The following PDE4B variants were observed in gnomAD, a reference collection of about 807,000 sequenced individuals.
PDE4B encodes the protein 3',5'-cyclic-AMP phosphodiesterase 4B.
Under a neutral mutation model 82.2 loss-of-function variants are expected in PDE4B, and 20 were observed. The ratio of observed to expected loss-of-function variants is 0.24; its 90% confidence interval spans 0.17 to 0.35. The LOEUF is 0.35. Ranked by LOEUF, PDE4B falls within the 10% of genes least tolerant of loss-of-function variation. The pLI is 1.00. For synonymous variants in PDE4B, 320 were observed against 318.9 expected (o/e 1.00, Z -0.04); for missense variants, 655 against 907.2 (o/e 0.72, Z 3.57).
intron 3 of PDE4B, among the ~76,000 whole-genome samples, chr1:66,214,181 C>T (rs896448305): frequency 1.3e-5 from 2 of 152,156 alleles, no homozygotes; most frequent in Non-Finnish European, 2.9e-5. Context: ...GAAATGTCTA[C>T]TAGCTCCAAA....
At chr1:66,126,912 T>C (rs1645835386) in intron 3 of PDE4B, among the ~76,000 whole-genome samples, 1 of 152,210 alleles carries the variant, frequency 6.6e-6, no homozygotes, top group African/African-American at 2.4e-5. Context: ...CAGGATATAC[T>C]TCAAGCGTGC....
intron 3 of PDE4B, among the ~76,000 whole-genome samples, chr1:65,951,221 G>C (rs924464279): frequency 2.6e-5 from 4 of 152,092 alleles, no homozygotes; most frequent in African/African-American, 9.7e-5. Flanking sequence ...TCTCCTTTCA[G>C]ATACGTTGTC....
intron 3 of PDE4B, among the ~76,000 whole-genome samples, chr1:66,205,848 G>A (rs77041411): frequency 0.025 from 3,857 of 152,286 alleles, 67 homozygotes; most frequent in Middle Eastern, 0.095. Flanking sequence ...TTGAGCTCAT[G>A]CCCTGTTGCC....
At chr1:66,156,602 A>G (rs1365764538) in intron 3 of PDE4B, among the ~76,000 whole-genome samples, 1 of 152,030 alleles carries the variant, frequency 6.6e-6, no homozygotes, top group South Asian at 2.1e-4. Context: ...GAAAAAAAAA[A>G]CAAACAAACC....
intron 3 of PDE4B, 75 bp downstream of exon 3, chr1:65,918,910 TAAAA>T: frequency 2.2e-6 from 2 of 921,604 alleles, no homozygotes; most frequent in Non-Finnish European, 3.5e-6. Flanking sequence ...TTCATAGTAT[TAAAA>T]TGTGAGTTTT....
intron 3 of PDE4B, among the ~76,000 whole-genome samples, chr1:66,209,758 A>T (rs1649872433): frequency 6.6e-6 from 1 of 152,208 alleles, no homozygotes; most frequent in South Asian, 2.1e-4. Context: ...CTAGAAGTTC[A>T]TATAAAAGGA....
At chr1:66,084,384 C>T (rs1656896761) in intron 3 of PDE4B, among the ~76,000 whole-genome samples, 1 of 152,092 alleles carries the variant, frequency 6.6e-6, no homozygotes, top group South Asian at 2.1e-4. Flanking sequence ...AAATTTCTCC[C>T]CATGCGTTCT....
chr1:66,030,025 A>G (rs1170150559), intron 3 of PDE4B, among the ~76,000 whole-genome samples: 1 of 122,418 alleles, frequency 8.2e-6, no homozygotes, highest in Non-Finnish European at 1.6e-5. Context: ...TTCAATGCCT[A>G]ATCTGTTGAG....
At position 66,372,562 on chromosome 1, in the gene PDE4B, C is replaced by G; in HGVS notation, c.2095C>G (p.His699Asp). The change falls in exon 17 of 17, where the codon CAC (histidine) becomes GAC (aspartate). Residue 699 changes from histidine to aspartate, a missense_variant. Physicochemically the swap from His to Asp is moderately conservative, Grantham distance 81. Transcript: ENST00000341517. ...SEGPEKEGEG[H>D]SYFSSTKTLC... ...AGGACCTGAGAAGGAGGGAGAGGGACACAGCTATTTCAGCAGCACAAAGAC... is the reference window on the plus strand; with the variant it reads ...AGGACCTGAGAAGGAGGGAGAGGGAGACAGCTATTTCAGCAGCACAAAGAC... 6.2e-7 allele frequency: 1 copy of G among 1,614,144 alleles called. No individual in the cohort carries two copies. Among genetic ancestry groups the G allele is most frequent in the South Asian group, 1.1e-5 (1 of 91,086 alleles).
At chr1:66,110,206 T>C (rs1316967015) in intron 3 of PDE4B, among the ~76,000 whole-genome samples, 1 of 151,852 alleles carries the variant, frequency 6.6e-6, no homozygotes, top group Non-Finnish European at 1.5e-5. Flanking sequence ...AGAGCGGAAA[T>C]TGATGAGCGT....
At chr1:66,177,475 T>C (rs1394590436) in intron 3 of PDE4B, among the ~76,000 whole-genome samples, 1 of 152,228 alleles carries the variant, frequency 6.6e-6, no homozygotes, top group Non-Finnish European at 1.5e-5. Flanking sequence ...TTTGTAGAAA[T>C]AACATCTGAC....
intron 3 of PDE4B, among the ~76,000 whole-genome samples, chr1:66,082,900 T>C (rs2100966562): frequency 6.6e-6 from 1 of 152,020 alleles, no homozygotes; most frequent in Admixed American, 6.6e-5. Context: ...TAGTGGGAGA[T>C]AAAGACAAGC....
chr1:66,051,693 G>A (rs1016691400), intron 3 of PDE4B, among the ~76,000 whole-genome samples: 1 of 152,018 alleles, frequency 6.6e-6, no homozygotes, highest in East Asian at 1.9e-4. Context: ...AAATAGGGTT[G>A]ATATTATTTG....
At chr1:66,185,239 A>G (rs1313033429) in intron 3 of PDE4B, among the ~76,000 whole-genome samples, 1 of 152,180 alleles carries the variant, frequency 6.6e-6, no homozygotes, top group Non-Finnish European at 1.5e-5. Flanking sequence ...CCAGTCTATC[A>G]TTGTTGGACA....
intron 1 of PDE4B, among the ~76,000 whole-genome samples, chr1:65,868,194 A>T (rs2840677): frequency 0.49 from 74,794 of 152,040 alleles, 18,729 homozygotes; most frequent in Non-Finnish European, 0.53. Context: ...TGATTGCATC[A>T]TTCTAAAAAT....
At chr1:66,084,389 C>A (rs1249707932) in intron 3 of PDE4B, among the ~76,000 whole-genome samples, 1 of 152,094 alleles carries the variant, frequency 6.6e-6, no homozygotes, top group Non-Finnish European at 1.5e-5. Flanking sequence ...TCTCCCCATG[C>A]GTTCTCATTA....
chr1:65,934,308 T>A (rs1329123014), intron 3 of PDE4B, among the ~76,000 whole-genome samples: 7 of 152,006 alleles, frequency 4.6e-5, no homozygotes, highest in African/African-American at 1.7e-4. Flanking sequence ...TTAAAATTAG[T>A]TGAGCATGGT....
At chr1:66,213,788 G>A (rs774792400) in intron 3 of PDE4B, among the ~76,000 whole-genome samples, 12 of 152,046 alleles carry the variant, frequency 7.9e-5, no homozygotes, top group Non-Finnish European at 1.5e-4. Flanking sequence ...TAGATTTAGT[G>A]CTCTACTTTT....
rs1402226390 is a variant in PDE4B at position 65,792,950 on chromosome 1, C to T, written c.-369C>T. On this transcript the variant is annotated 5_prime_UTR_variant, in exon 1 of 17. Coordinates refer to ENST00000341517, the MANE Select transcript of PDE4B (RefSeq NM_002600.4). ...CGCCAGCGCCTGTGTCTCCCTGGCG[C>T]GGGTTCCCCAGGCTAGCCCGCTGGC... 6.6e-6 allele frequency among the ~76,000 whole-genome samples: 1 copy of T among 151,828 alleles called. No individual in the cohort carries two copies. Among genetic ancestry groups the T allele is most frequent in the Non-Finnish European group, 1.5e-5 (1 of 67,916 alleles).
Sources: gnomAD v4.1 joint callset for allele counts (sites outside exome capture counted in the v4.1 genomes callset) on GRCh38, gnomAD v4.1.1 for gene constraint, MANE v1.5 for transcripts, NCBI Gene and HGNC (gene_info 2026-07-23, HGNC 2026-07-21) for gene names.